The following CA5A variants were observed in gnomAD, a reference collection of about 807,000 sequenced individuals.
CA5A encodes carbonic anhydrase 5A, also known as carbonic anhydrase 5A, mitochondrial.
CA5A carries 28 observed loss-of-function variants against 37.1 expected under a neutral mutation model. That is an observed-to-expected ratio of 0.75 (90% confidence interval 0.56 to 1.03). The LOEUF (loss-of-function observed/expected upper bound fraction) is 1.03. CA5A is among the 50% of genes least tolerant of loss of function. CA5A has a pLI of 0.00. For missense variants in CA5A, 444 were observed against 399.9 expected, an observed-to-expected ratio of 1.11 and a Z score of -0.94; for synonymous variants, 171 against 158.4, an observed-to-expected ratio of 1.08 and a Z score of -0.60.
At chr16:87,932,144 C>G (rs567052899) in intron 1 of CA5A, among the ~76,000 whole-genome samples, 240 of 152,220 alleles carry the variant, frequency 1.6e-3, no homozygotes, top group African/African-American at 5.3e-3. Context: ...TGAGGCCTCA[C>G]AAATCTCCCT....
rs187555300 is a variant in CA5A, at chr16:87,904,995, T to C, written c.341-91A>G. ...AGGCATTGTCTACATTAGGGTTATA[T>C]GAGTTCACTCGCAAGGGGTTGCTGT... On this transcript the variant is annotated intron_variant, in intron 2 of 6. Transcript: ENST00000649794. 658 of 788,184 alleles carry C rather than the reference T, an allele frequency of 8.3e-4. 2 individuals carry two copies. The African/African-American group carries it at 9.6e-3, about 12-fold the overall frequency. 48.8% of individuals were successfully genotyped at this position (788,184 alleles called of 1,614,324 possible).
At chr16:87,929,425 C>T (rs1158940053) in intron 1 of CA5A, among the ~76,000 whole-genome samples, 2 of 138,674 alleles carry the variant, frequency 1.4e-5, no homozygotes, top group Non-Finnish European at 1.5e-5. Context: ...GCATTCCAGC[C>T]TAGATGACAA....
chr16:87,924,694 G>A (rs566911784), intron 2 of CA5A, among the ~76,000 whole-genome samples: 1 of 152,382 alleles, frequency 6.6e-6, no homozygotes, highest in East Asian at 1.9e-4. Context: ...AGGAGCTGGG[G>A]AAGCCCCGGT....
chr16:87,896,361 C>T (rs1303993535), intron 5 of CA5A, among the ~76,000 whole-genome samples: 8 of 152,294 alleles, frequency 5.3e-5, no homozygotes, highest in African/African-American at 1.9e-4. Context: ...GCCTCATCGT[C>T]CCCAGGAGTT....
intron 2 of CA5A, among the ~76,000 whole-genome samples, chr16:87,917,391 G>T (rs964718392): frequency 2.0e-5 from 3 of 152,214 alleles, no homozygotes; most frequent in Non-Finnish European, 2.9e-5. Flanking sequence ...CTCCCCAGTG[G>T]CTGAATCTCT....
chr16:87,907,410 G>C (rs994825705), intron 2 of CA5A, among the ~76,000 whole-genome samples: 1 of 152,020 alleles, frequency 6.6e-6, no homozygotes, highest in African/African-American at 2.4e-5. Flanking sequence ...GACTGAGGGT[G>C]GAGCCTCCCA....
chr16:87,911,099 CAAAAAAAA>C lies in CA5A; in HGVS notation c.341-6203_341-6196del, dbSNP rs11314702. Reference sequence around the variant, plus strand: ...ACAATGTCAGGGTATTCTCCTTAATCAAAAAAAAAAAAAAAAAAAAAGGCAAGCCCAAT... The same window carrying C: ...ACAATGTCAGGGTATTCTCCTTAATCAAAAAAAAAAAAAGGCAAGCCCAAT... On this transcript the variant is annotated intron_variant, in intron 2 of 6. Coordinates refer to ENST00000649794, the MANE Select transcript of CA5A (RefSeq NM_001739.2). This position sits in a 1 kb window ranked among gnomAD's most constrained non-coding sequence, Gnocchi z 4.6. 7.7e-4 allele frequency among the ~76,000 whole-genome samples: 74 copies of C among 96,516 alleles called. No individual in the cohort carries two copies. Among genetic ancestry groups the C allele is most frequent in the African/African-American group, 1.8e-3 (53 of 29,758 alleles). 63.3% of individuals were successfully genotyped at this position (96,516 alleles called of 152,430 possible).
intron 1 of CA5A, among the ~76,000 whole-genome samples, chr16:87,930,990 C>T (rs990859578): frequency 5.9e-5 from 9 of 151,928 alleles, no homozygotes; most frequent in South Asian, 2.1e-4. Context: ...CTGCCTGCCT[C>T]GGCCTCCCAA....
At position 87,909,999 on chromosome 16, in the gene CA5A, C is replaced by A. The variant is rs559419885; in HGVS notation, c.341-5095G>T. Among the ~76,000 whole-genome samples, 13 of 152,262 alleles carry A rather than the reference C, an allele frequency of 8.5e-5. No individual in the cohort carries two copies. The East Asian group carries it at 2.5e-3, about 29-fold the overall frequency. On this transcript the variant is annotated intron_variant, in intron 2 of 6. Coordinates refer to ENST00000649794, the MANE Select transcript of CA5A (RefSeq NM_001739.2). ...TGTAAAGTGCGGATGATCCTTGAAC[C>A]CCCACCATAGGACTGCTGTTACGGT...
At chr16:87,914,632 G>A (rs1375563767) in intron 2 of CA5A, among the ~76,000 whole-genome samples, 1 of 152,112 alleles carries the variant, frequency 6.6e-6, no homozygotes, top group African/African-American at 2.4e-5. Context: ...GGCAGTTGCA[G>A]TGGGTGGGCA....
At chr16:87,918,820 G>A (rs116244320) in intron 2 of CA5A, among the ~76,000 whole-genome samples, 5,180 of 152,218 alleles carry the variant, frequency 0.034, 289 homozygotes, top group African/African-American at 0.12. Context: ...AGCGGCTCCC[G>A]ATTCCCAATC....
intron 5 of CA5A, among the ~76,000 whole-genome samples, chr16:87,894,423 C>T (rs1460381229): frequency 6.6e-6 from 1 of 152,100 alleles, no homozygotes; most frequent in African/African-American, 2.4e-5. Flanking sequence ...AACCCAGATG[C>T]CTTGGGCTTG....
chr16:87,924,764 A>G (rs1597582432), intron 2 of CA5A, among the ~76,000 whole-genome samples: 1 of 152,240 alleles, frequency 6.6e-6, no homozygotes, highest in Non-Finnish European at 1.5e-5. Flanking sequence ...AGAGGGCATG[A>G]AGGTGAGCGT....
intron 3 of CA5A, among the ~76,000 whole-genome samples, chr16:87,903,046 A>G (rs2055903975): frequency 6.6e-6 from 1 of 151,912 alleles, no homozygotes; most frequent in African/African-American, 2.4e-5. Flanking sequence ...TGGGGGGGGA[A>G]AGGAGAGGAT....
In CA5A at chr16:87,924,264, G is replaced by A. The variant is rs1340427685; in HGVS notation, c.340+2484C>T. 1.3e-5 allele frequency: 13 copies of A among 985,346 alleles called. No individual in the cohort carries two copies. The African/African-American group carries it at 1.7e-4, about 13-fold the overall frequency. 61.0% of individuals were successfully genotyped at this position (985,346 alleles called of 1,614,324 possible). On this transcript the variant is annotated intron_variant, in intron 2 of 6. Coordinates refer to ENST00000649794, the MANE Select transcript of CA5A (RefSeq NM_001739.2). The stretch of plus-strand genomic sequence containing the variant: ...CAAGCCCCACACGGGAAGCATCCGC[G>A]GGGGTTGCAGTGGAGCCTGATGAAG...
chr16:87,928,774 T>C (rs1376373359), intron 1 of CA5A, among the ~76,000 whole-genome samples: 1 of 136,348 alleles, frequency 7.3e-6, no homozygotes, highest in African/African-American at 2.7e-5. Flanking sequence ...TTTTTTTTTT[T>C]TTTTTTTTTT....
chr16:87,893,855 C>G, intron 5 of CA5A: 1 of 263,192 alleles, frequency 3.8e-6, no homozygotes, highest in East Asian at 1.2e-4. Context: ...TCACTGCAGG[C>G]TCTAATTCCT....
At chr16:87,934,718 A>T (rs1597595145) in intron 1 of CA5A, among the ~76,000 whole-genome samples, 1 of 151,976 alleles carries the variant, frequency 6.6e-6, no homozygotes, top group African/African-American at 2.4e-5. Flanking sequence ...CCAGCACTTT[A>T]GGAGGCCGAG....
chr16:87,895,480 G>C (rs998284981), intron 5 of CA5A, among the ~76,000 whole-genome samples: 5 of 152,220 alleles, frequency 3.3e-5, no homozygotes, highest in African/African-American at 1.2e-4. Flanking sequence ...GGGAGGCAGA[G>C]GTTGCAGTGA....
Sources: gnomAD v4.1 joint callset for allele counts (sites outside exome capture counted in the v4.1 genomes callset) on GRCh38, gnomAD v4.1.1 for gene constraint, Gnocchi (gnomAD v3.1) non-coding constraint, MANE v1.5 for transcripts, NCBI Gene and HGNC (gene_info 2026-07-23, HGNC 2026-07-21) for gene names.